The following GPR35 variants were observed in gnomAD, a reference collection of about 807,000 sequenced individuals.
The protein encoded by GPR35 is G protein-coupled receptor 35, also known as KYNA receptor.
For missense variants in GPR35, 372 were observed against 422.5 expected, an observed-to-expected ratio of 0.88 and a Z score of 1.05; for synonymous variants, 207 against 198.4, an observed-to-expected ratio of 1.04 and a Z score of -0.36.
At position 240,630,690 on chromosome 2, in the gene GPR35, C is replaced by A; in HGVS notation, c.738C>A (p.Asn246Lys). 1 of 1,613,418 alleles carries A rather than the reference C, an allele frequency of 6.2e-7. No individual in the cohort carries two copies. Among genetic ancestry groups the A allele is most frequent in the Non-Finnish European group, 8.5e-7 (1 of 1,180,014 alleles). ...GLTVRLAVGWNACALLETIRR... is the reference protein window; with the variant it reads ...GLTVRLAVGWKACALLETIRR... The stretch of plus-strand genomic sequence containing the variant: ...CAGTGCGCCTCGCAGTGGGCTGGAA[C>A]GCCTGTGCCCTCCTGGAGACGATCC... The change falls in exon 2 of 2, where the codon AAC becomes AAA. Residue 246 changes from asparagine (N) to lysine (K), a missense_variant. Physicochemically the swap from Asn to Lys is moderately conservative, Grantham distance 94. Coordinates refer to ENST00000407714, the MANE Select transcript of GPR35 (RefSeq NM_005301.5).
Position 240,625,487 on chromosome 2 carries a change from C to G in GPR35, c.-86C>G, listed in dbSNP as rs2043358083. 1.0e-6 allele frequency: 1 copy of G among 985,768 alleles called. No individual in the cohort carries two copies. The highest frequency in any genetic ancestry group is 4.7e-5 in the South Asian group (1 of 21,332). 61.1% of individuals were successfully genotyped at this position (985,768 alleles called of 1,614,324 possible). A position where few individuals can be genotyped will look rare whatever the true frequency, so the allele number is the denominator to read the frequency against. Reference sequence around the variant, plus strand: ...GTGGCTCACCCCAGCTTCACTTCCCCCAGCCCTTCTCAGACAGCCACTGTG... The same window carrying G: ...GTGGCTCACCCCAGCTTCACTTCCCGCAGCCCTTCTCAGACAGCCACTGTG... On this transcript the variant is annotated 5_prime_UTR_variant, in exon 1 of 2. Coordinates refer to ENST00000407714, the MANE Select transcript of GPR35 (RefSeq NM_005301.5).
In GPR35 at chr2:240,629,877, G is replaced by A; in HGVS notation, c.-4-72G>A. ...CCTCCCACATCCCTGCCCAGAGGTG[G>A]GCAGAGTGGGGGCAGTGCCTTGCTC... On this transcript the variant is annotated intron_variant, in intron 1 of 1. Transcript: ENST00000407714. 3 of 1,327,334 alleles carry A rather than the reference G, an allele frequency of 2.3e-6. No homozygotes were observed. In the South Asian group the frequency reaches 4.0e-5, roughly 18 times the overall value. The allele number at this position is 1,327,334 out of a possible 1,614,324, so 82.2% of individuals were successfully genotyped here.
upstream of GPR35, among the ~76,000 whole-genome samples, chr2:240,622,721 T>C (rs1374101704): frequency 6.6e-6 from 1 of 152,142 alleles, no homozygotes; most frequent in Non-Finnish European, 1.5e-5. Flanking sequence ...GGAATCCTGT[T>C]CGGAGCTCCT....
chr2:240,630,314 C>T lies in GPR35; in HGVS notation c.362C>T (p.Pro121Leu), dbSNP rs201885896. The T allele has an allele frequency of 2.5e-5, 39 of 1,586,594 alleles. No homozygotes were observed. In the Admixed American group the frequency reaches 3.4e-4, roughly 14 times the overall value. The part of the protein sequence containing the change: ...AVDRYVAVRH[P>L]LRARGLRSPR... ...GACCGCTATGTGGCCGTGCGGCACCCGCTGCGTGCCCGCGGGCTGCGGTCC... is the reference window on the plus strand; with the variant it reads ...GACCGCTATGTGGCCGTGCGGCACCTGCTGCGTGCCCGCGGGCTGCGGTCC... The change falls in exon 2 of 2, where the codon CCG (proline) becomes CTG (leucine). Residue 121 changes from proline to leucine, a missense_variant. Transcript: ENST00000407714.
chr2:240,617,270 T>A, exon 4 of GPR35: 2 of 709,228 alleles, frequency 2.8e-6, no homozygotes, highest in Non-Finnish European at 5.2e-6. Flanking sequence ...CAGCCCCGGC[T>A]GACACCTGGA....
At chr2:240,620,049 C>T (rs186152058) in intron 5 of GPR35, among the ~76,000 whole-genome samples, 17 of 152,246 alleles carry the variant, frequency 1.1e-4, no homozygotes, top group Non-Finnish European at 1.9e-4. Flanking sequence ...GGAAGGAGTC[C>T]GAGAGGGTGG....
At chr2:240,616,741 T>TAAAAAAAAAAAAAAAAAAAAAAAAAAA (rs767683322) in intron 3 of GPR35, among the ~76,000 whole-genome samples, 1 of 99,944 alleles carries the variant, frequency 1.0e-5, no homozygotes. Flanking sequence ...AACAATACAG[T>TAAAAAAAAAAAAAAAAAAAAAAAAAAA]AAAAAAAAAA....
Position 240,631,539 on chromosome 2 carries a change from AG to A in GPR35, c.*664del, listed in dbSNP as rs565829284. Reference sequence around the variant, plus strand: ...CATGTAGGGGCTGCACAGCGGTGCAAGGGGGGGTGACCAAGGTCAAGCAGGT... The same window carrying A: ...CATGTAGGGGCTGCACAGCGGTGCAAGGGGGGTGACCAAGGTCAAGCAGGT... On this transcript the variant is annotated 3_prime_UTR_variant, in exon 2 of 2. Transcript: ENST00000407714. 7.2e-6 allele frequency among the ~76,000 whole-genome samples: 1 copy of A among 139,438 alleles called. No individual in the cohort carries two copies. The highest frequency in any genetic ancestry group is 2.7e-4 in the South Asian group (1 of 3,744). 91.5% of individuals were successfully genotyped at this position (139,438 alleles called of 152,430 possible). A position where few individuals can be genotyped will look rare whatever the true frequency, so the allele number is the denominator to read the frequency against.
Position 240,630,543 on chromosome 2 carries a change from C to A in GPR35, c.591C>A (p.Ala197=). ...TCTGCTCCCTGAAGGTGGTGACTGC[C>A]CTGGCCCAGAGGCCACCCACCGACG... The part of the protein sequence containing the change: ...VVFCSLKVVT[A]LAQRPPTDVG... The change falls in exon 2 of 2, where the codon GCC becomes GCA. Residue 197 remains alanine (A), a synonymous_variant. Coordinates refer to ENST00000407714, the MANE Select transcript of GPR35 (RefSeq NM_005301.5). The A allele has an allele frequency of 2.5e-6, 4 of 1,612,916 alleles. No individual in the cohort carries two copies. Among genetic ancestry groups the A allele is most frequent in the Non-Finnish European group, 3.4e-6 (4 of 1,179,942 alleles).
rs558364453 is a variant in GPR35 at position 240,631,945 on chromosome 2, A to G, written c.*1063A>G. Among the ~76,000 whole-genome samples the G allele has an allele frequency of 5.6e-5, 8 of 142,702 alleles. No homozygotes were observed. In the South Asian group the frequency reaches 1.8e-3, roughly 32 times the overall value. The allele number at this position is 142,702 out of a possible 152,430, so 93.6% of individuals were successfully genotyped here. On this transcript the variant is annotated 3_prime_UTR_variant, in exon 2 of 2. Transcript: ENST00000407714. ...GTTCTGGCAGGGACATGGCACAAGC[A>G]TGCGGCTGATGGCATCTCACAGGAC...
chr2:240,606,991 G>A (rs1208390484), intron 2 of GPR35, among the ~76,000 whole-genome samples: 1 of 152,126 alleles, frequency 6.6e-6, no homozygotes, highest in Non-Finnish European at 1.5e-5. Flanking sequence ...TTAAGGTGGT[G>A]TCCTGGGTTA....
chr2:240,622,667 G>A (rs2043309231), upstream of GPR35, among the ~76,000 whole-genome samples: 2 of 152,254 alleles, frequency 1.3e-5, no homozygotes, highest in African/African-American at 2.4e-5. Context: ...TGCAGGGGTG[G>A]CGTCCGGCAG....
intron 2 of GPR35, chr2:240,616,362 CCTCCGTCT>C: frequency 1.3e-6 from 1 of 747,458 alleles, no homozygotes; most frequent in South Asian, 1.4e-5. Flanking sequence ...GCAGCTTCCT[CCTCCGTCT>C]CTCTATTCCC....
At chr2:240,616,896 T>C (rs2043244824) in intron 3 of GPR35, 1 of 750,652 alleles carries the variant, frequency 1.3e-6, no homozygotes, top group Non-Finnish European at 2.5e-6. Flanking sequence ...GCATGGCCAG[T>C]AAGGAACTGA....
intron 1 of GPR35, among the ~76,000 whole-genome samples, chr2:240,626,210 G>A (rs2043374904): frequency 7.7e-6 from 1 of 130,688 alleles, no homozygotes; most frequent in Admixed American, 7.5e-5. Context: ...AGGCTGTGAC[G>A]GGGTCTCAGA....
upstream of GPR35, among the ~76,000 whole-genome samples, chr2:240,624,246 A>C (rs1468555940): frequency 6.6e-6 from 1 of 152,150 alleles, no homozygotes; most frequent in Non-Finnish European, 1.5e-5. Flanking sequence ...CCCAAATCTG[A>C]GCCTCCTGCC....
Position 240,631,851 on chromosome 2 carries a change from A to G in GPR35, c.*969A>G, listed in dbSNP as rs968221362. ...CTCAAACCCCATCCTGTCATCCCAT[A>G]TTGCATGTCCACAGGCACCGCCCCA... On this transcript the variant is annotated 3_prime_UTR_variant, in exon 2 of 2. Coordinates refer to ENST00000407714, the MANE Select transcript of GPR35 (RefSeq NM_005301.5). Among the ~76,000 whole-genome samples the G allele has an allele frequency of 6.6e-6, 1 of 152,180 alleles. No homozygotes were observed. Among genetic ancestry groups the G allele is most frequent in the Admixed American group, 6.5e-5 (1 of 15,284 alleles).
upstream of GPR35, among the ~76,000 whole-genome samples, chr2:240,622,818 C>T (rs769291708): frequency 8.5e-5 from 13 of 152,096 alleles, no homozygotes; most frequent in South Asian, 2.1e-4. Flanking sequence ...GGGGCAGCCT[C>T]GGAGAGGAAG....
intron 2 of GPR35, among the ~76,000 whole-genome samples, chr2:240,609,663 T>G (rs1174332843): frequency 6.6e-6 from 1 of 152,216 alleles, no homozygotes; most frequent in Non-Finnish European, 1.5e-5. Flanking sequence ...ATGTTCAATG[T>G]GCACCTGAAA....
Sources: gnomAD v4.1 joint callset for allele counts (sites outside exome capture counted in the v4.1 genomes callset) on GRCh38, gnomAD v4.1.1 for gene constraint, MANE v1.5 for transcripts, NCBI Gene and HGNC (gene_info 2026-07-23, HGNC 2026-07-21) for gene names.